Variants in PDE3B observed in about 807,000 individuals in gnomAD.
The protein encoded by PDE3B is cGMP-inhibited 3',5'-cyclic phosphodiesterase 3B.
Under a neutral mutation model 116.8 loss-of-function variants are expected in PDE3B, and 66 were observed. That is an observed-to-expected ratio of 0.56 (90% CI 0.46 to 0.69). The LOEUF is 0.69. PDE3B is among the 30% of genes least tolerant of loss of function. The pLI, the probability that PDE3B is intolerant of heterozygous loss-of-function variation, is 0.00. For missense variants in PDE3B, 1,384 were observed against 1,368.1 expected (o/e 1.01, Z -0.18); for synonymous variants, 595 against 533.6 (o/e 1.12, Z -1.59).
In PDE3B at chr11:14,770,876, G is replaced by A. The variant is rs144386629; in HGVS notation, c.979-1061G>A. Reference sequence around the variant, plus strand: ...GGTGTATTATGTAAAATATGAGTCAGCAAACTGTAGTCCACTGACCAAATG... The same window carrying A: ...GGTGTATTATGTAAAATATGAGTCAACAAACTGTAGTCCACTGACCAAATG... On this transcript the variant is annotated intron_variant, in intron 1 of 15. Coordinates refer to ENST00000282096, the MANE Select transcript of PDE3B (RefSeq NM_000922.4). 2.5e-3 allele frequency among the ~76,000 whole-genome samples: 377 copies of A among 151,766 alleles called. 2 individuals carry two copies. The highest frequency in any genetic ancestry group is 8.5e-3 in the African/African-American group (354 of 41,514).
rs186737330 is a variant in PDE3B, at chr11:14,751,776, A to G, written c.979-20161A>G. ...GTTCAGAAAGCTTCCTAGACTTTCT[A>G]TCTGAAAGATAGGCAACGAGATTTA... On this transcript the variant is annotated intron_variant, in intron 1 of 15. Coordinates refer to ENST00000282096, the MANE Select transcript of PDE3B (RefSeq NM_000922.4). Among the ~76,000 whole-genome samples, 80 of 152,324 alleles carry G rather than the reference A, an allele frequency of 5.3e-4. No individual in the cohort carries two copies. The South Asian group carries it at 6.0e-3, about 11-fold the overall frequency.
At chr11:14,724,501 T>C (rs572273330) in intron 1 of PDE3B, among the ~76,000 whole-genome samples, 1 of 152,308 alleles carries the variant, frequency 6.6e-6, no homozygotes, top group South Asian at 2.1e-4. Context: ...TTGAAGGTCA[T>C]GCTCAAAGGA....
At chr11:14,850,449 T>C (rs1048480484) in intron 12 of PDE3B, among the ~76,000 whole-genome samples, 2 of 151,954 alleles carry the variant, frequency 1.3e-5, no homozygotes, top group Admixed American at 6.6e-5. Context: ...GTAACTAACC[T>C]GCACATTGTG....
At chr11:14,862,595 A>G (rs1180243909) in intron 14 of PDE3B, among the ~76,000 whole-genome samples, 1 of 152,062 alleles carries the variant, frequency 6.6e-6, no homozygotes, top group Non-Finnish European at 1.5e-5. Context: ...TTTTTTTGAG[A>G]CAGAGGCTTT....
intron 1 of PDE3B, among the ~76,000 whole-genome samples, chr11:14,659,620 T>G (rs886697685): frequency 6.6e-6 from 1 of 152,230 alleles, no homozygotes; most frequent in Non-Finnish European, 1.5e-5. Flanking sequence ...TTAAGCCTAG[T>G]ACCCATTAGT....
intron 5 of PDE3B, among the ~76,000 whole-genome samples, chr11:14,809,955 A>G (rs547778977): frequency 8.5e-5 from 13 of 152,074 alleles, no homozygotes; most frequent in African/African-American, 2.2e-4. Context: ...GGGAGTACTG[A>G]GTTAATGGTT....
At chr11:14,775,775 G>C (rs935776476) in intron 2 of PDE3B, 1 of 152,274 alleles carries the variant, frequency 6.6e-6, no homozygotes, top group South Asian at 2.1e-4. Context: ...GACCTCAGGT[G>C]ATCTGCCCAC....
At chr11:14,841,941 G>A (rs1463008429) in intron 11 of PDE3B, among the ~76,000 whole-genome samples, 1 of 150,920 alleles carries the variant, frequency 6.6e-6, no homozygotes, top group Non-Finnish European at 1.5e-5. Flanking sequence ...GAATGTTTTT[G>A]TGGTGCCATA....
intron 1 of PDE3B, among the ~76,000 whole-genome samples, chr11:14,740,984 A>G (rs1232977455): frequency 1.3e-5 from 2 of 151,460 alleles, no homozygotes; most frequent in Non-Finnish European, 2.9e-5. Flanking sequence ...TATGATTTCC[A>G]TTCTTATTCA....
chr11:14,738,064 G>T (rs568406759), intron 1 of PDE3B, among the ~76,000 whole-genome samples: 27 of 151,836 alleles, frequency 1.8e-4, no homozygotes, highest in African/African-American at 4.3e-4. Flanking sequence ...TTGTGAATAG[G>T]GCCACAATAA....
chr11:14,825,086 G>T (rs1277963628), intron 7 of PDE3B, among the ~76,000 whole-genome samples: 3 of 152,100 alleles, frequency 2.0e-5, no homozygotes, highest in African/African-American at 7.2e-5. Flanking sequence ...TGCTGAGGAA[G>T]TTTGTTACTA....
the PDE3B span, among the ~76,000 whole-genome samples, chr11:14,888,328 T>C: frequency 3.9e-5 from 6 of 152,216 alleles, no homozygotes; most frequent in African/African-American, 1.4e-4. Context: ...CATATGACAA[T>C]AGAAATATAT....
At chr11:14,667,983 C>A (rs1032538159) in intron 1 of PDE3B, among the ~76,000 whole-genome samples, 3 of 148,600 alleles carry the variant, frequency 2.0e-5, no homozygotes, top group Non-Finnish European at 4.5e-5. Flanking sequence ...AATTTTCAGA[C>A]ATTATAAAAA....
At chr11:14,650,716 C>T (rs990630959) in intron 1 of PDE3B, among the ~76,000 whole-genome samples, 13 of 152,010 alleles carry the variant, frequency 8.6e-5, no homozygotes, top group African/African-American at 3.1e-4. Flanking sequence ...GGCTTGAACC[C>T]GGGAGGCGGA....
intron 1 of PDE3B, among the ~76,000 whole-genome samples, chr11:14,697,964 G>T (rs758756960): frequency 6.6e-6 from 1 of 151,714 alleles, no homozygotes; most frequent in Non-Finnish European, 1.5e-5. Context: ...TTTTCTTTTT[G>T]ATCTTTATAC....
intron 1 of PDE3B, among the ~76,000 whole-genome samples, chr11:14,671,381 A>G (rs1301130763): frequency 6.6e-6 from 1 of 152,102 alleles, no homozygotes; most frequent in African/African-American, 2.4e-5. Context: ...AAGAACCAGC[A>G]AAGGCCCTGT....
At chr11:14,789,057 T>C (rs756878214) in intron 3 of PDE3B, 49 bp from the exon 4 acceptor site, 1 of 1,368,296 alleles carries the variant, frequency 7.3e-7, no homozygotes, top group Admixed American at 2.0e-5. Context: ...ATTACATATA[T>C]AGCATATTAA....
chr11:14,878,578 CA>C, the PDE3B span, among the ~76,000 whole-genome samples: 1 of 152,090 alleles, frequency 6.6e-6, no homozygotes, highest in Admixed American at 6.6e-5. Context: ...AGATATGCCA[CA>C]AAAGATCTAA....
At chr11:14,856,117 G>A (rs1275552842) in intron 12 of PDE3B, among the ~76,000 whole-genome samples, 1 of 152,218 alleles carries the variant, frequency 6.6e-6, no homozygotes, top group Non-Finnish European at 1.5e-5. Flanking sequence ...TCTTATGATA[G>A]TGAGGGAGTT....
Sources: gnomAD v4.1 joint callset for allele counts (sites outside exome capture counted in the v4.1 genomes callset) on GRCh38, gnomAD v4.1.1 for gene constraint, MANE v1.5 for transcripts, NCBI Gene and HGNC (gene_info 2026-07-23, HGNC 2026-07-21) for gene names.